TSPAN9: variants seen among roughly 807,000 people sequenced by gnomAD.
The protein encoded by TSPAN9 is tetraspanin 9, also known as tetraspanin-9.
TSPAN9 carries 16 observed loss-of-function variants against 31.0 expected under a neutral mutation model. The observed-to-expected ratio is 0.52, with a 90% CI of 0.35 to 0.78. The LOEUF (loss-of-function observed/expected upper bound fraction) is 0.78. Ranked by LOEUF, TSPAN9 falls within the 30% of genes least tolerant of loss-of-function variation. The pLI is 0.01. For missense variants in TSPAN9, 272 were observed against 312.5 expected, an observed-to-expected ratio of 0.87 and a Z score of 0.98; for synonymous variants, 145 against 121.6, an observed-to-expected ratio of 1.19 and a Z score of -1.27.
At chr12:3,177,432 C>T (rs557815256) in intron 2 of TSPAN9, among the ~76,000 whole-genome samples, 155 of 152,116 alleles carry the variant, frequency 1.0e-3, no homozygotes, top group Middle Eastern at 3.4e-3. Flanking sequence ...CCACTGTGCT[C>T]GGCCAAGAAA....
At chr12:3,129,658 A>G (rs915799297) in intron 2 of TSPAN9, among the ~76,000 whole-genome samples, 2 of 152,224 alleles carry the variant, frequency 1.3e-5, no homozygotes, top group Non-Finnish European at 2.9e-5. Flanking sequence ...ATTAAATGAG[A>G]TAATCCATGT....
intron 2 of TSPAN9, among the ~76,000 whole-genome samples, chr12:3,160,769 T>C (rs900239397): frequency 1.3e-5 from 2 of 152,236 alleles, no homozygotes; most frequent in Non-Finnish European, 2.9e-5. Context: ...ATACTTTGTT[T>C]ATTTTAAAAT....
At chr12:3,220,145 CAAA>C (rs55735802) in intron 3 of TSPAN9, among the ~76,000 whole-genome samples, 21 of 137,278 alleles carry the variant, frequency 1.5e-4, no homozygotes, top group Non-Finnish European at 1.6e-4. Context: ...AACTCTGTCT[CAAA>C]AAAAAAAAAA....
chr12:3,230,189 G>C (rs1460429703), intron 3 of TSPAN9, among the ~76,000 whole-genome samples: 3 of 152,208 alleles, frequency 2.0e-5, no homozygotes, highest in Non-Finnish European at 4.4e-5. Flanking sequence ...CAGAGCCTAT[G>C]GGGGACTCTG....
At chr12:3,236,866 C>T (rs2098394033) in intron 3 of TSPAN9, among the ~76,000 whole-genome samples, 1 of 152,180 alleles carries the variant, frequency 6.6e-6, no homozygotes, top group African/African-American at 2.4e-5. Context: ...ATCCTGTCAT[C>T]ACTGGGCACC....
At chr12:3,228,835 G>C (rs2098389210) in intron 3 of TSPAN9, among the ~76,000 whole-genome samples, 1 of 152,238 alleles carries the variant, frequency 6.6e-6, no homozygotes, top group Non-Finnish European at 1.5e-5. Flanking sequence ...TGAAATTGAA[G>C]TGTTGCAGGG....
chr12:3,111,471 A>G (rs867407524), intron 2 of TSPAN9, among the ~76,000 whole-genome samples: 1 of 152,234 alleles, frequency 6.6e-6, no homozygotes, highest in East Asian at 1.9e-4. Context: ...GAAATTTATC[A>G]TAAAACTTAC....
chr12:3,162,433 A>G (rs1176426177), intron 2 of TSPAN9, among the ~76,000 whole-genome samples: 2 of 152,186 alleles, frequency 1.3e-5, no homozygotes, highest in Non-Finnish European at 2.9e-5. Flanking sequence ...GTGGGCTTAC[A>G]TCATAGCAGG....
At chr12:3,256,978 G>A (rs1303601524) in intron 3 of TSPAN9, among the ~76,000 whole-genome samples, 2 of 152,094 alleles carry the variant, frequency 1.3e-5, no homozygotes, top group African/African-American at 4.8e-5. Flanking sequence ...GTTGAATATC[G>A]AGGGTGAGTT....
chr12:3,264,516 G>A (rs1469040544), intron 3 of TSPAN9, among the ~76,000 whole-genome samples: 19 of 152,182 alleles, frequency 1.2e-4, no homozygotes, highest in African/African-American at 4.6e-4. Flanking sequence ...GACGGCAGAG[G>A]GAGTAGAGCC....
At chr12:3,195,920 G>A (rs1253132059) in intron 2 of TSPAN9, among the ~76,000 whole-genome samples, 1 of 152,178 alleles carries the variant, frequency 6.6e-6, no homozygotes, top group Non-Finnish European at 1.5e-5. Context: ...GGGACAGCTC[G>A]GTGCCCATCC....
intron 3 of TSPAN9, among the ~76,000 whole-genome samples, chr12:3,224,039 T>G (rs1354294533): frequency 6.6e-6 from 1 of 152,078 alleles, no homozygotes; most frequent in Non-Finnish European, 1.5e-5. Flanking sequence ...TTCTTGCTCT[T>G]CAGATGGATT....
Position 3,234,868 on chromosome 12 carries a change from T to C in TSPAN9, c.63+33612T>C, listed in dbSNP as rs568155041. Among the ~76,000 whole-genome samples the C allele has an allele frequency of 2.0e-5, 3 of 151,770 alleles. No individual in the cohort carries two copies. The South Asian group carries it at 6.3e-4, about 32-fold the overall frequency. On this transcript the variant is annotated intron_variant, in intron 3 of 8. Transcript: ENST00000011898. ...GTTGTCGCTGTTTAGGAAAAAAATATAGGTAAGTGAGGCCGGGCGTGGTGG... is the reference window on the plus strand; with the variant it reads ...GTTGTCGCTGTTTAGGAAAAAAATACAGGTAAGTGAGGCCGGGCGTGGTGG...
intron 2 of TSPAN9, among the ~76,000 whole-genome samples, chr12:3,153,425 T>C (rs1229814082): frequency 6.6e-6 from 1 of 152,230 alleles, no homozygotes; most frequent in East Asian, 1.9e-4. Flanking sequence ...TACATGGTTA[T>C]AGTCAATAAT....
chr12:3,251,531 A>G (rs995383469), intron 3 of TSPAN9, among the ~76,000 whole-genome samples: 1 of 150,292 alleles, frequency 6.7e-6, no homozygotes. Context: ...AATAATAGAG[A>G]TATATGAAAA....
In TSPAN9 at chr12:3,206,422, A is replaced by C. The variant is rs569039970; in HGVS notation, c.63+5166A>C. ...ACACAGGGCTGTCAAGGGAGAGGTGAGAGCATTCTAGGGTGAGGCAGCAGC... is the reference window on the plus strand; with the variant it reads ...ACACAGGGCTGTCAAGGGAGAGGTGCGAGCATTCTAGGGTGAGGCAGCAGC... On this transcript the variant is annotated intron_variant, in intron 3 of 8. Coordinates refer to ENST00000011898, the MANE Select transcript of TSPAN9 (RefSeq NM_006675.5). 1.5e-5 allele frequency: 7 copies of C among 452,772 alleles called. No homozygotes were observed. In the East Asian group the frequency reaches 4.2e-4, roughly 27 times the overall value. The allele number at this position is 452,772 out of a possible 1,614,324, so 28.0% of individuals were successfully genotyped here. A position where few individuals can be genotyped will look rare whatever the true frequency, so the allele number is the denominator to read the frequency against.
At chr12:3,260,743 A>T (rs1862433045) in intron 3 of TSPAN9, among the ~76,000 whole-genome samples, 1 of 152,214 alleles carries the variant, frequency 6.6e-6, no homozygotes, top group African/African-American at 2.4e-5. Context: ...GGGAGGGCGC[A>T]GGCCATGGGC....
At chr12:3,180,392 A>G (rs982978298) in intron 2 of TSPAN9, among the ~76,000 whole-genome samples, 1 of 152,030 alleles carries the variant, frequency 6.6e-6, no homozygotes, top group Admixed American at 6.6e-5. Context: ...CAGGAGAATC[A>G]CTTGAACCTG....
intron 2 of TSPAN9, among the ~76,000 whole-genome samples, chr12:3,186,232 T>C (rs1300755643): frequency 1.3e-5 from 2 of 152,236 alleles, no homozygotes; most frequent in African/African-American, 2.4e-5. Flanking sequence ...TCATACATTC[T>C]TTCAAAAATA....
Sources: allele counts gnomAD v4.1 joint callset (sites outside exome capture counted in the v4.1 genomes callset), GRCh38; gene constraint gnomAD v4.1.1; transcripts MANE v1.5; gene names NCBI Gene and HGNC (gene_info 2026-07-23, HGNC 2026-07-21).